SNTB1: variants seen among roughly 807,000 people sequenced by gnomAD.
SNTB1 encodes the protein beta-1-syntrophin.
In SNTB1, 36 loss-of-function variants were observed where a neutral mutation model predicts 48.9. That is an observed-to-expected ratio of 0.74 (90% CI 0.56 to 0.97). The LOEUF (loss-of-function observed/expected upper bound fraction) is 0.97, where lower values mean the gene tolerates loss of function less well. Among genes scored for constraint, SNTB1 ranks in the 50% least tolerant of loss-of-function variants. The probability of loss-of-function intolerance (pLI) is 0.00; values close to 1 mark genes in which losing one functional copy is unlikely to be tolerated. For missense variants in SNTB1, 786 were observed against 703.4 expected (o/e 1.12, Z -1.33); for synonymous variants, 299 against 294.6 (o/e 1.01, Z -0.15).
At chr8:120,730,316 T>A (rs1348978470) in intron 1 of SNTB1, among the ~76,000 whole-genome samples, 1 of 152,074 alleles carries the variant, frequency 6.6e-6, no homozygotes, top group Non-Finnish European at 1.5e-5. Flanking sequence ...CACGCCACCA[T>A]GCCCGGCTAA....
intron 2 of SNTB1, among the ~76,000 whole-genome samples, chr8:120,671,939 T>C (rs1022907077): frequency 1.3e-5 from 2 of 152,340 alleles, no homozygotes; most frequent in African/African-American, 2.4e-5. Flanking sequence ...CCCCAACTTA[T>C]AGTGGTTCGA....
intron 6 of SNTB1, among the ~76,000 whole-genome samples, chr8:120,540,781 A>G (rs1815273185): frequency 6.6e-6 from 1 of 152,196 alleles, no homozygotes; most frequent in South Asian, 2.1e-4. Flanking sequence ...GCCACGAGGA[A>G]TGGCCTCCAT....
intron 3 of SNTB1, among the ~76,000 whole-genome samples, chr8:120,603,345 C>A (rs73319234): frequency 0.024 from 3,709 of 152,278 alleles, 141 homozygotes; most frequent in African/African-American, 0.085. Flanking sequence ...AGTGATCCAC[C>A]CGCCTTGGCC....
intron 1 of SNTB1, among the ~76,000 whole-genome samples, chr8:120,801,353 C>T (rs1820222826): frequency 6.6e-6 from 1 of 152,028 alleles, no homozygotes; most frequent in African/African-American, 2.4e-5. Context: ...TCCGTAATGG[C>T]TTCTCTGGTC....
intron 1 of SNTB1, among the ~76,000 whole-genome samples, chr8:120,806,066 G>A (rs1002738698): frequency 3.3e-5 from 5 of 152,184 alleles, no homozygotes; most frequent in Non-Finnish European, 5.9e-5. Context: ...TATTACATTC[G>A]AAAAAGAGTT....
At chr8:120,628,891 G>A (rs10097935) in intron 3 of SNTB1, among the ~76,000 whole-genome samples, 3,047 of 152,286 alleles carry the variant, frequency 0.02, 99 homozygotes, top group African/African-American at 0.071. Context: ...AGGTGCAGTG[G>A]CACACACTTG....
At chr8:120,725,872 A>G (rs1818748396) in intron 1 of SNTB1, among the ~76,000 whole-genome samples, 1 of 152,202 alleles carries the variant, frequency 6.6e-6, no homozygotes, top group Admixed American at 6.5e-5. Context: ...ATTTCTCAAT[A>G]TCATTAGCAA....
intron 1 of SNTB1, among the ~76,000 whole-genome samples, chr8:120,695,368 G>A (rs563283704): frequency 2.0e-5 from 3 of 152,130 alleles, no homozygotes; most frequent in Non-Finnish European, 4.4e-5. Context: ...TATGCTGTTG[G>A]TGTCCCATCT....
intron 2 of SNTB1, among the ~76,000 whole-genome samples, chr8:120,675,994 C>T (rs925449692): frequency 6.6e-6 from 1 of 152,160 alleles, no homozygotes; most frequent in Admixed American, 6.5e-5. Flanking sequence ...ATCCACCTTC[C>T]CAGATTTCCT....
At chr8:120,774,044 T>A (rs1563597707) in intron 1 of SNTB1, among the ~76,000 whole-genome samples, 1 of 152,194 alleles carries the variant, frequency 6.6e-6, no homozygotes, top group Non-Finnish European at 1.5e-5. Context: ...GCAATGACAT[T>A]CAGAGTGGAA....
intron 3 of SNTB1, among the ~76,000 whole-genome samples, chr8:120,623,904 G>A (rs1458840999): frequency 6.6e-6 from 1 of 152,140 alleles, no homozygotes; most frequent in Admixed American, 6.5e-5. Context: ...TTGTGTTGCT[G>A]CAACAGAGTA....
chr8:120,672,582 C>T (rs749920422), intron 2 of SNTB1, among the ~76,000 whole-genome samples: 1 of 152,186 alleles, frequency 6.6e-6, no homozygotes, highest in South Asian at 2.1e-4. Context: ...GAATCCTCTA[C>T]TAGTTAGGAT....
At chr8:120,638,283 GA>G (rs1483428379) in intron 2 of SNTB1, 1 of 152,148 alleles carries the variant, frequency 6.6e-6, no homozygotes, top group African/African-American at 2.4e-5. Flanking sequence ...GAAGAAGCGG[GA>G]AAACACAGTC....
chr8:120,784,746 T>A (rs773618193), intron 1 of SNTB1, among the ~76,000 whole-genome samples: 6 of 152,196 alleles, frequency 3.9e-5, no homozygotes, highest in Admixed American at 6.5e-5. Context: ...AATAGTGTAT[T>A]GAGATTCATG....
chr8:120,687,446 G>C (rs938673621), intron 2 of SNTB1, among the ~76,000 whole-genome samples: 1 of 152,200 alleles, frequency 6.6e-6, no homozygotes, highest in African/African-American at 2.4e-5. Context: ...GGCTATTTAT[G>C]TACAGCTCAA....
At chr8:120,563,291 T>G (rs1815693064) in intron 4 of SNTB1, among the ~76,000 whole-genome samples, 1 of 92,506 alleles carries the variant, frequency 1.1e-5, no homozygotes, top group African/African-American at 4.0e-5. Flanking sequence ...TGAGCATACC[T>G]TTTTTTTTTT....
intron 2 of SNTB1, chr8:120,637,260 T>A (rs1042181813): frequency 8.6e-6 from 3 of 347,376 alleles, no homozygotes; most frequent in Non-Finnish European, 1.7e-5. Context: ...AAAAGTCTGC[T>A]GCTGACCAAA....
intron 3 of SNTB1, among the ~76,000 whole-genome samples, chr8:120,588,188 A>G (rs562892668): frequency 3.3e-5 from 5 of 152,330 alleles, no homozygotes; most frequent in South Asian, 2.1e-4. Flanking sequence ...ATCAAAAAAG[A>G]AAGCCAGAAG....
At chr8:120,563,114 G>A (rs1474277390) in intron 4 of SNTB1, among the ~76,000 whole-genome samples, 4 of 152,030 alleles carry the variant, frequency 2.6e-5, no homozygotes, top group Admixed American at 6.6e-5. Context: ...CTGTGTTCCC[G>A]AAACTCCCCA....
Sources: allele counts gnomAD v4.1 joint callset (sites outside exome capture counted in the v4.1 genomes callset), GRCh38; gene constraint gnomAD v4.1.1; transcripts MANE v1.5; gene names NCBI Gene and HGNC (gene_info 2026-07-23, HGNC 2026-07-21).